The following SERINC5 variants were observed in gnomAD, a reference collection of about 807,000 sequenced individuals.
SERINC5 encodes chromosome 5 open reading frame 12.
SERINC5 carries 41 observed loss-of-function variants against 63.1 expected under a neutral mutation model. The ratio of observed to expected loss-of-function variants is 0.65; its 90% CI spans 0.51 to 0.84. The LOEUF (loss-of-function observed/expected upper bound fraction) is 0.84. Ranked by LOEUF, SERINC5 falls within the 40% of genes least tolerant of loss-of-function variation. The pLI, the probability that SERINC5 is intolerant of heterozygous loss-of-function variation, is 0.00. For synonymous variants in SERINC5, 222 were observed against 215.2 expected (o/e 1.03, Z -0.28); for missense variants, 523 against 573.0 (o/e 0.91, Z 0.89).
intron 2 of SERINC5, among the ~76,000 whole-genome samples, chr5:80,192,884 G>A (rs776870788): frequency 1.4e-4 from 22 of 152,274 alleles, no homozygotes; most frequent in South Asian, 2.1e-4. Context: ...AAGGTCAGCC[G>A]AGTCACATCT....
rs113318248 is a variant in SERINC5, at chr5:80,182,550, C to A, written c.196-4486G>T. 6.0e-3 allele frequency among the ~76,000 whole-genome samples: 846 copies of A among 140,734 alleles called. 26 individuals carry two copies. Among genetic ancestry groups the A allele is most frequent in the African/African-American group, 0.021 (807 of 38,076 alleles). 92.3% of individuals were successfully genotyped at this position (140,734 alleles called of 152,430 possible). On this transcript the variant is annotated intron_variant, in intron 2 of 11. Transcript: ENST00000507668. ...AAGCTTCTATCATCTGACCGCCCCC[C>A]CCCCCTCCGCTTTTTTTTAATTGAG...
In SERINC5 at chr5:80,202,923, A is replaced by G; in HGVS notation, c.158T>C (p.Met53Thr). ...CTTGTGAGCCACGGTTGTTGACATC[A>G]TGATGCAGCAGAGGACGACGACCAG... ...FILVVVLCCI[M>T]MSTTVAHKMK... Residue 53 changes from methionine to threonine, a missense_variant, in exon 2 of 12, where the codon ATG becomes ACG. Transcript: ENST00000507668. The G allele has an allele frequency of 6.2e-7, 1 of 1,612,814 alleles. No homozygotes were observed.
intron 5 of SERINC5, among the ~76,000 whole-genome samples, chr5:80,173,595 C>CAAAG (rs144425911): frequency 6.6e-6 from 1 of 151,080 alleles, no homozygotes; most frequent in Admixed American, 6.6e-5. Flanking sequence ...GACTCTGTCT[C>CAAAG]AAAAGAAAAG....
chr5:80,172,361 A>G (rs1388339444), intron 5 of SERINC5, among the ~76,000 whole-genome samples: 1 of 152,200 alleles, frequency 6.6e-6, no homozygotes, highest in Non-Finnish European at 1.5e-5. Context: ...AAAAGTATCT[A>G]TAAATGCTAA....
Position 80,209,349 on chromosome 5 carries a change from G to A in SERINC5, c.28-6296C>T, listed in dbSNP as rs189102106. Among the ~76,000 whole-genome samples, 1,089 of 149,400 alleles carry A rather than the reference G, an allele frequency of 7.3e-3. 62 individuals are homozygous for A. The highest frequency in any genetic ancestry group is 0.063 in the Admixed American group (952 of 15,060). The stretch of plus-strand genomic sequence containing the variant: ...AACAGGACTGCTTCTAAGAAGAGGA[G>A]GACACACACACAGGGACAGCACAAC... On this transcript the variant is annotated intron_variant, in intron 1 of 11. Transcript: ENST00000507668.
rs1320279461 is a variant in SERINC5 at position 80,143,653 on chromosome 5, G to A, written c.*10C>T. On this transcript the variant is annotated 3_prime_UTR_variant, in exon 12 of 12. Transcript: ENST00000507668. ...GTAGGCCCACAAAGCCCAGGGGACC[G>A]CCGATATCATCACACAGAGAACTCC... 1.4e-5 allele frequency: 22 copies of A among 1,535,304 alleles called. No homozygotes were observed. Among genetic ancestry groups the A allele is most frequent in the South Asian group, 8.3e-5 (7 of 84,032 alleles).
intron 8 of SERINC5, among the ~76,000 whole-genome samples, chr5:80,155,738 CA>C (rs1580076761): frequency 6.6e-6 from 1 of 151,884 alleles, no homozygotes; most frequent in East Asian, 1.9e-4. Context: ...TGCCTTAAAA[CA>C]TTTTTTTTTA....
chr5:80,152,219 G>A (rs756762397), intron 8 of SERINC5, among the ~76,000 whole-genome samples: 12 of 152,260 alleles, frequency 7.9e-5, no homozygotes, highest in East Asian at 1.9e-4. Flanking sequence ...AGAGTGGCCC[G>A]GCTGGGTGTG....
intron 9 of SERINC5, among the ~76,000 whole-genome samples, chr5:80,148,186 A>ATTTTTTTTTTTTTTTTT (rs1561368296): frequency 1.2e-5 from 1 of 86,306 alleles, no homozygotes; most frequent in Non-Finnish European, 2.4e-5. Context: ...CGTATTTTTT[A>ATTTTTTTTTTTTTTTTT]TTCTTTTTTT....
At chr5:80,170,221 C>T (rs924522755) in intron 5 of SERINC5, among the ~76,000 whole-genome samples, 3 of 152,166 alleles carry the variant, frequency 2.0e-5, no homozygotes, top group Admixed American at 6.5e-5. Flanking sequence ...TGGACATTGT[C>T]AGTGTGAAAT....
chr5:80,117,175 C>A lies in SERINC5; in HGVS notation c.1239-3550G>T, dbSNP rs1258854739. Among the ~76,000 whole-genome samples the A allele has an allele frequency of 3.3e-5, 5 of 152,068 alleles. 1 individual carries two copies. The highest frequency in any genetic ancestry group is 1.2e-4 in the African/African-American group (5 of 41,324). On this transcript the variant is annotated intron_variant, in intron 11 of 12. Transcript: ENST00000509193. ...GACTATATGCAGAAGAACAAACTAA[C>A]ACGGAAGATGGCTAGGAACTGCGTA...
intron 1 of SERINC5, among the ~76,000 whole-genome samples, chr5:80,252,084 A>G (rs967863039): frequency 9.8e-5 from 12 of 122,462 alleles, no homozygotes; most frequent in African/African-American, 1.9e-4. Context: ...TTTTTTTGAG[A>G]CAGCGTCTCA....
At chr5:80,135,103 G>A (rs542615859), downstream of SERINC5, among the ~76,000 whole-genome samples, 1 of 152,174 alleles carries the variant, frequency 6.6e-6, no homozygotes, top group Admixed American at 6.5e-5. Context: ...CTCCTCCGTT[G>A]CCCAGGCTGG....
rs1452455685 is a variant in SERINC5, at chr5:80,141,649, C to T, written c.*2014G>A. ...GCCCTAGGCCACTGCAACACAGCTA[C>T]TGTGTGTGACACGCAGCCCCACTCC... On this transcript the variant is annotated 3_prime_UTR_variant, in exon 12 of 12. Transcript: ENST00000507668. The T allele has an allele frequency of 2.4e-5, 24 of 985,470 alleles. No individual in the cohort carries two copies. The highest frequency in any genetic ancestry group is 2.9e-5 in the Non-Finnish European group (24 of 830,026). 61.0% of individuals were successfully genotyped at this position (985,470 alleles called of 1,614,324 possible).
intron 5 of SERINC5, among the ~76,000 whole-genome samples, chr5:80,172,961 AAC>A (rs1747758649): frequency 6.6e-6 from 1 of 152,164 alleles, no homozygotes; most frequent in Non-Finnish European, 1.5e-5. Context: ...TTGTTCATTT[AAC>A]AATTGGAGAC....
intron 2 of SERINC5, among the ~76,000 whole-genome samples, chr5:80,186,927 G>A (rs984666436): frequency 6.6e-6 from 1 of 151,974 alleles, no homozygotes; most frequent in Non-Finnish European, 1.5e-5. Flanking sequence ...AGGCCAAGGC[G>A]GGCGGACTGC....
intron 11 of SERINC5, among the ~76,000 whole-genome samples, chr5:80,119,904 C>G (rs889234343): frequency 1.3e-5 from 2 of 152,162 alleles, no homozygotes; most frequent in Non-Finnish European, 2.9e-5. Flanking sequence ...TATAGTCCAA[C>G]CTAGGTAGGG....
At chr5:80,176,527 G>A (rs568105272) in intron 4 of SERINC5, among the ~76,000 whole-genome samples, 1 of 152,152 alleles carries the variant, frequency 6.6e-6, no homozygotes, top group Non-Finnish European at 1.5e-5. Context: ...TGCCTCCCAG[G>A]TTCAAGCAAT....
At chr5:80,195,142 C>T (rs750577629) in intron 2 of SERINC5, among the ~76,000 whole-genome samples, 36 of 151,976 alleles carry the variant, frequency 2.4e-4, no homozygotes, top group Non-Finnish European at 4.4e-4. Context: ...CAAAATTAGC[C>T]GAGTGTGATG....
Sources: gnomAD v4.1 joint callset for allele counts (sites outside exome capture counted in the v4.1 genomes callset) on GRCh38, gnomAD v4.1.1 for gene constraint, MANE v1.5 for transcripts, NCBI Gene and HGNC (gene_info 2026-07-23, HGNC 2026-07-21) for gene names.